Variants in SLC22A8 observed in about 807,000 individuals in gnomAD.
SLC22A8 encodes solute carrier family 22 member 8.
In SLC22A8, 40 loss-of-function variants were observed where a neutral mutation model predicts 48.4. The ratio of observed to expected loss-of-function variants is 0.83; its 90% confidence interval spans 0.64 to 1.08. The LOEUF (loss-of-function observed/expected upper bound fraction) is 1.08, where lower values mean the gene tolerates loss of function less well. Ranked by LOEUF, SLC22A8 falls within the 50% of genes least tolerant of loss-of-function variation. The pLI, the probability that SLC22A8 is intolerant of heterozygous loss-of-function variation, is 0.00. For missense variants in SLC22A8, 606 were observed against 699.0 expected (o/e 0.87, Z 1.50); for synonymous variants, 268 against 286.3 (o/e 0.94, Z 0.65).
At chr11:63,008,848 G>T (rs2086585299) in intron 2 of SLC22A8, among the ~76,000 whole-genome samples, 1 of 152,152 alleles carries the variant, frequency 6.6e-6, no homozygotes, top group African/African-American at 2.4e-5. Flanking sequence ...TCTGAGCCCG[G>T]TGTATTCCTC....
Position 62,999,863 on chromosome 11 carries a change from G to A in SLC22A8, c.438-21C>T, listed in dbSNP as rs1306857495. The A allele has an allele frequency of 2.0e-6, 3 of 1,477,794 alleles. No homozygotes were observed. The African/African-American group carries it at 4.3e-5, about 21-fold the overall frequency. 91.5% of individuals were successfully genotyped at this position (1,477,794 alleles called of 1,614,324 possible). On this transcript the variant is annotated intron_variant, in intron 3 of 10. Transcript: ENST00000336232. Reference sequence around the variant, plus strand: ...CAAACCTGTAGCTCGAAGGAGAGGAGGGGCCAGGTTAGCCACAGTGTGCCT... The same window carrying A: ...CAAACCTGTAGCTCGAAGGAGAGGAAGGGCCAGGTTAGCCACAGTGTGCCT...
intron 2 of SLC22A8, among the ~76,000 whole-genome samples, chr11:63,010,318 T>C (rs59853467): frequency 0.081 from 12,288 of 152,188 alleles, 1,711 homozygotes; most frequent in African/African-American, 0.28. Flanking sequence ...GCCCCTTGCT[T>C]CTACTAACAG....
At position 62,993,779 on chromosome 11, in the gene SLC22A8, G is replaced by A. The variant is rs1366156489; in HGVS notation, c.1316C>T (p.Thr439Ile). Residue 439 changes from threonine (T) to isoleucine (I), a missense_variant, in exon 9 of 11, where the codon ACA becomes ATA. Coordinates refer to ENST00000336232, the MANE Select transcript of SLC22A8 (RefSeq NM_004254.4). ...LFLYTSELYP[T>I]VIRQTGMGVS... ...CAGGTCCAGCACCTACCTGATGACT[G>A]TGGGGTATAATTCACTTGTGTAGAG... 6 of 1,611,954 alleles carry A rather than the reference G, an allele frequency of 3.7e-6. No individual in the cohort carries two copies. The highest frequency in any genetic ancestry group is 1.7e-5 in the Admixed American group (1 of 60,022).
At chr11:63,009,591 T>C (rs2086595021) in intron 2 of SLC22A8, among the ~76,000 whole-genome samples, 1 of 152,250 alleles carries the variant, frequency 6.6e-6, no homozygotes, top group Non-Finnish European at 1.5e-5. Flanking sequence ...CCATGCTTTC[T>C]AGACTTAAAG....
rs1233965658 is a variant in SLC22A8, at chr11:63,002,101, G to A, written c.334-1278C>T. On this transcript the variant is annotated intron_variant, in intron 2 of 10. Coordinates refer to ENST00000336232, the MANE Select transcript of SLC22A8 (RefSeq NM_004254.4). ...AATTTTGGATTTTGTATATAGACAG[G>A]AGCTCACTATGTTGCCCAGGCTGGT... 2.0e-5 allele frequency among the ~76,000 whole-genome samples: 3 copies of A among 152,052 alleles called. No individual in the cohort carries two copies. The East Asian group carries it at 5.8e-4, about 29-fold the overall frequency.
intron 2 of SLC22A8, among the ~76,000 whole-genome samples, chr11:63,013,729 G>T (rs1382478270): frequency 6.6e-6 from 1 of 152,100 alleles, no homozygotes; most frequent in African/African-American, 2.4e-5. Context: ...ATTCTGTAAG[G>T]GGAGATAGAA....
At chr11:63,007,185 C>T (rs2086565723) in intron 2 of SLC22A8, among the ~76,000 whole-genome samples, 1 of 152,122 alleles carries the variant, frequency 6.6e-6, no homozygotes, top group Non-Finnish European at 1.5e-5. Context: ...ACTGAGGAAG[C>T]CCAGAGAGGG....
chr11:63,009,798 C>G (rs1034358925), intron 2 of SLC22A8, among the ~76,000 whole-genome samples: 3 of 152,194 alleles, frequency 2.0e-5, no homozygotes, highest in Admixed American at 1.3e-4. Flanking sequence ...CCCTCCAGCC[C>G]TCTTGCCCCC....
At chr11:63,007,740 G>A (rs991251580) in intron 2 of SLC22A8, among the ~76,000 whole-genome samples, 3 of 152,212 alleles carry the variant, frequency 2.0e-5, no homozygotes, top group Admixed American at 6.5e-5. Flanking sequence ...TTCTGTATGG[G>A]CTGATGCATC....
intron 2 of SLC22A8, among the ~76,000 whole-genome samples, chr11:63,003,760 T>C (rs1381751054): frequency 6.6e-6 from 1 of 152,156 alleles, no homozygotes; most frequent in Non-Finnish European, 1.5e-5. Flanking sequence ...GATTCCCTAG[T>C]CTGGACTTGC....
chr11:63,011,114 C>T (rs2086614829), intron 2 of SLC22A8, among the ~76,000 whole-genome samples: 2 of 152,186 alleles, frequency 1.3e-5, no homozygotes, highest in African/African-American at 4.8e-5. Flanking sequence ...GCAGGGTGCA[C>T]AGTCAGCCTC....
chr11:63,000,759 A>G lies in SLC22A8; in HGVS notation c.398T>C (p.Ile133Thr). 1.2e-6 allele frequency: 2 copies of G among 1,614,040 alleles called. No homozygotes were observed. Among genetic ancestry groups the G allele is most frequent in the Non-Finnish European group, 1.7e-6 (2 of 1,179,942 alleles). The change falls in exon 3 of 11, where the codon ATA (isoleucine) becomes ACA (threonine). Residue 133 changes from isoleucine to threonine, a missense_variant. Physicochemically the swap from Ile to Thr is moderately conservative, Grantham distance 89 (BLOSUM62 -1). Transcript: ENST00000336232. ...TCCAAGCACGAGCCCTCCAATCAGT[A>G]TACCTGCCATGAAGATAGACTGGGC... ...EMAQSIFMAG[I>T]LIGGLVLGDL...
At position 62,996,095 on chromosome 11, in the gene SLC22A8, C is replaced by CCAGACA; in HGVS notation, c.818_819insTGTCTG (p.Leu273_Lys274insValTrp). ...AGACAGCCACCCGCCGGAGTATCTT[C>CCAGACA]AGGGCCTTCGAGGACTTTCCAGACA... On this transcript the variant is annotated inframe_insertion, in exon 6 of 11. Transcript: ENST00000336232. 1 of 1,614,024 alleles carries CCAGACA rather than the reference C, an allele frequency of 6.2e-7. No homozygotes were observed. The highest frequency in any genetic ancestry group is 8.5e-7 in the Non-Finnish European group (1 of 1,179,964).
intron 2 of SLC22A8, among the ~76,000 whole-genome samples, chr11:63,013,316 C>T (rs1356128970): frequency 6.6e-6 from 1 of 152,200 alleles, no homozygotes; most frequent in Non-Finnish European, 1.5e-5. Context: ...TCAAGCTGAG[C>T]CTCAGTTTCC....
intron 2 of SLC22A8, among the ~76,000 whole-genome samples, chr11:63,011,158 G>A (rs1157803056): frequency 6.6e-6 from 1 of 152,206 alleles, no homozygotes; most frequent in African/African-American, 2.4e-5. Flanking sequence ...GCATTCCTGA[G>A]GAGCATAGGC....
intron 7 of SLC22A8, chr11:62,995,144 C>T (rs1219583694): frequency 9.5e-6 from 3 of 315,962 alleles, no homozygotes; most frequent in Non-Finnish European, 1.8e-5. Flanking sequence ...CAGATGTTTC[C>T]CTTCCTCTCT....
At position 62,992,961 on chromosome 11, in the gene SLC22A8, A is replaced by G. The variant is rs2135112261; in HGVS notation, c.*276T>C. On this transcript the variant is annotated 3_prime_UTR_variant, in exon 11 of 11. Transcript: ENST00000336232. ...GGATATCAGGGGACCTCAGGGGAAG[A>G]GGACCGGGACAGTGGGGGAAGGTGG... 2 of 481,090 alleles carry G rather than the reference A, an allele frequency of 4.2e-6. No individual in the cohort carries two copies. The highest frequency in any genetic ancestry group is 3.2e-5 in the East Asian group (1 of 31,708). The allele number at this position is 481,090 out of a possible 1,614,324, so 29.8% of individuals were successfully genotyped here. A position where few individuals can be genotyped will look rare whatever the true frequency, so the allele number is the denominator to read the frequency against.
chr11:63,008,442 T>A (rs1227938474), intron 2 of SLC22A8, among the ~76,000 whole-genome samples: 3 of 152,194 alleles, frequency 2.0e-5, no homozygotes, highest in African/African-American at 4.8e-5. Flanking sequence ...CCAGAGAGGA[T>A]GAGCCAGGTA....
chr11:62,997,184 A>C (rs1347284287), intron 5 of SLC22A8, among the ~76,000 whole-genome samples: 1 of 152,244 alleles, frequency 6.6e-6, no homozygotes, highest in African/African-American at 2.4e-5. Context: ...ACTCTGGGTG[A>C]CAGGCAACAT....
Sources: gnomAD v4.1 joint callset for allele counts (sites outside exome capture counted in the v4.1 genomes callset) on GRCh38, gnomAD v4.1.1 for gene constraint, MANE v1.5 for transcripts, NCBI Gene and HGNC (gene_info 2026-07-23, HGNC 2026-07-21) for gene names.